Variants in ERAP1 observed in about 807,000 individuals in gnomAD.
The protein encoded by ERAP1 is endoplasmic reticulum aminopeptidase 1.
A neutral mutation model predicts 103.7 loss-of-function variants in ERAP1; 86 were observed. The ratio of observed to expected loss-of-function variants is 0.83; its 90% CI spans 0.70 to 0.99. The LOEUF (loss-of-function observed/expected upper bound fraction) is 0.99, where lower values mean the gene tolerates loss of function less well. Ranked by LOEUF, ERAP1 falls within the 50% of genes least tolerant of loss-of-function variation. The pLI, the probability that ERAP1 is intolerant of heterozygous loss-of-function variation, is 0.00. For synonymous variants in ERAP1, 398 were observed against 402.4 expected, an observed-to-expected ratio of 0.99 and a Z score of 0.13; for missense variants, 1,009 against 1,128.4, an observed-to-expected ratio of 0.89 and a Z score of 1.52.
chr5:96,873,288 G>C, the ERAP1 span: 3 of 454,632 alleles, frequency 6.6e-6, no homozygotes, highest in East Asian at 2.1e-4. Context: ...ATTCTCACCT[G>C]TTTGTTGAGG....
intron 19 of ERAP1, chr5:96,765,284 C>T: frequency 6.3e-7 from 1 of 1,586,204 alleles, no homozygotes; most frequent in South Asian, 1.1e-5. Flanking sequence ...ACAAAGGCAG[C>T]CTGACCCAGA....
chr5:96,879,083 G>A, the ERAP1 span, among the ~76,000 whole-genome samples: 5 of 152,272 alleles, frequency 3.3e-5, no homozygotes, highest in African/African-American at 1.2e-4. Context: ...GCCGAGTGTG[G>A]CGGTGTGTGT....
At chr5:96,815,407 G>GTT in the ERAP1 span, among the ~76,000 whole-genome samples, 1,062 of 105,142 alleles carry the variant, frequency 0.01, 18 homozygotes, top group African/African-American at 0.018. Flanking sequence ...TGTTTGTTTT[G>GTT]TTTTTTATTT....
chr5:96,894,998 A>G, the ERAP1 span, among the ~76,000 whole-genome samples: 1 of 152,100 alleles, frequency 6.6e-6, no homozygotes, highest in Non-Finnish European at 1.5e-5. Flanking sequence ...GATAGAATGA[A>G]AGTCGAAGAG....
At chr5:96,791,465 G>T (rs1472817756) in intron 8 of ERAP1, among the ~76,000 whole-genome samples, 1 of 152,188 alleles carries the variant, frequency 6.6e-6, no homozygotes, top group African/African-American at 2.4e-5. Context: ...CAATAGAACA[G>T]TTGGGAATGG....
chr5:96,855,435 G>A, the ERAP1 span, among the ~76,000 whole-genome samples: 270 of 152,232 alleles, frequency 1.8e-3, 1 homozygote, highest in South Asian at 5.0e-3. Context: ...TCTCACACTG[G>A]AGACAATTTT....
chr5:96,916,639 T>C, the ERAP1 span, among the ~76,000 whole-genome samples: 3 of 151,600 alleles, frequency 2.0e-5, no homozygotes, highest in African/African-American at 7.3e-5. Flanking sequence ...AATTTTTTTG[T>C]ATTTTTTTTT....
chr5:96,821,080 C>T, the ERAP1 span, among the ~76,000 whole-genome samples: 13,912 of 152,190 alleles, frequency 0.091, 837 homozygotes, highest in Middle Eastern at 0.16. Flanking sequence ...GCTGGAGAAA[C>T]CAAGGAAGAG....
the ERAP1 span, among the ~76,000 whole-genome samples, chr5:96,924,382 T>C: frequency 1.3e-5 from 2 of 152,168 alleles, no homozygotes; most frequent in Non-Finnish European, 2.9e-5. Context: ...CCAAGAATCA[T>C]AGTCAAATGT....
chr5:96,926,299 A>G, the ERAP1 span, among the ~76,000 whole-genome samples: 1 of 152,188 alleles, frequency 6.6e-6, no homozygotes, highest in African/African-American at 2.4e-5. Flanking sequence ...TATCAGTTTT[A>G]TATCAGAGAT....
At chr5:96,903,493 C>G in the ERAP1 span, 2 of 1,614,042 alleles carry the variant, frequency 1.2e-6, no homozygotes, top group Non-Finnish European at 1.7e-6. Flanking sequence ...ACAGCTGAAT[C>G]AGAACCACAC....
chr5:96,806,112 G>A (rs1778566696), intron 1 of ERAP1: 1 of 152,138 alleles, frequency 6.6e-6, no homozygotes, highest in African/African-American at 2.4e-5. Context: ...CAAACTGTAG[G>A]CTACATCCAA....
chr5:96,821,381 A>G, the ERAP1 span, among the ~76,000 whole-genome samples: 100,408 of 152,030 alleles, frequency 0.66, 33,658 homozygotes, highest in Non-Finnish European at 0.72. Context: ...AATTCAACAG[A>G]CTCCAAAAGA....
the ERAP1 span, among the ~76,000 whole-genome samples, chr5:96,863,185 G>T: frequency 1.3e-5 from 2 of 151,752 alleles, no homozygotes; most frequent in African/African-American, 4.8e-5. Context: ...CCCTCCTCAG[G>T]CTCCTCTCCA....
chr5:96,886,542 C>T, the ERAP1 span: 6 of 858,684 alleles, frequency 7.0e-6, no homozygotes, highest in African/African-American at 5.2e-5. Context: ...AGGAGGTCAT[C>T]GATTGTCCTT....
the ERAP1 span, among the ~76,000 whole-genome samples, chr5:96,869,745 G>A: frequency 2.0e-5 from 3 of 152,194 alleles, no homozygotes; most frequent in Admixed American, 6.5e-5. Flanking sequence ...TGGAGCTATT[G>A]TAAGGTGATC....
At chr5:96,884,058 CT>C in the ERAP1 span, 66 of 629,214 alleles carry the variant, frequency 1.0e-4, no homozygotes, top group Admixed American at 2.2e-4. Flanking sequence ...ATCTATCTAT[CT>C]ATCTATCTAT....
At chr5:96,767,278 C>T (rs972723608) in intron 19 of ERAP1, among the ~76,000 whole-genome samples, 1 of 152,190 alleles carries the variant, frequency 6.6e-6, no homozygotes, top group Non-Finnish European at 1.5e-5. Flanking sequence ...TTAAGCAAAG[C>T]TGGTAAAGAA....
rs572729499 is a variant in ERAP1 at position 96,807,776 on chromosome 5, C to A, written c.-18+84G>T. 1.7e-3 allele frequency: 1,631 copies of A among 940,176 alleles called. 6 individuals are homozygous for A. Among genetic ancestry groups the A allele is most frequent in the Middle Eastern group, 7.1e-3 (13 of 1,826 alleles). 58.2% of individuals were successfully genotyped at this position (940,176 alleles called of 1,614,324 possible). A position where few individuals can be genotyped will look rare whatever the true frequency, so the allele number is the denominator to read the frequency against. On this transcript the variant is annotated intron_variant, in intron 1 of 18. Coordinates refer to ENST00000443439, the MANE Select transcript of ERAP1 (RefSeq NM_001040458.3). ...CCCGTGCCCCAGGCCCTCAGCCCCC[C>A]ACTTGACGGGCGCAGGGAAGGGGCG...
Sources: allele counts gnomAD v4.1 joint callset (sites outside exome capture counted in the v4.1 genomes callset), GRCh38; gene constraint gnomAD v4.1.1; transcripts MANE v1.5; gene names NCBI Gene and HGNC (gene_info 2026-07-23, HGNC 2026-07-21).